The following TMEM178B variants were observed in gnomAD, a reference collection of about 807,000 sequenced individuals.
TMEM178B encodes the protein transmembrane protein 178B.
A neutral mutation model predicts 31.0 loss-of-function variants in TMEM178B; 5 were observed. That is an observed-to-expected ratio of 0.16 (90% CI 0.08 to 0.34). The LOEUF is 0.34. Ranked by LOEUF, TMEM178B falls within the 10% of genes least tolerant of loss-of-function variation. TMEM178B has a pLI of 1.00. For synonymous variants in TMEM178B, 164 were observed against 164.0 expected (o/e 1.00, Z 0.00); for missense variants, 275 against 400.3 (o/e 0.69, Z 2.67).
At chr7:141,174,989 G>T (rs1053136017) in intron 1 of TMEM178B, among the ~76,000 whole-genome samples, 1 of 152,086 alleles carries the variant, frequency 6.6e-6, no homozygotes, top group Non-Finnish European at 1.5e-5. Flanking sequence ...GTCAATTTTG[G>T]CTTTTGTTGC....
chr7:141,379,081 A>G (rs1274164633), intron 2 of TMEM178B, among the ~76,000 whole-genome samples: 1 of 152,142 alleles, frequency 6.6e-6, no homozygotes, highest in Admixed American at 6.5e-5. Flanking sequence ...GGGGCATCCT[A>G]GTCTCTCTCC....
At chr7:141,254,111 TC>T (rs988493046) in intron 2 of TMEM178B, among the ~76,000 whole-genome samples, 2 of 152,228 alleles carry the variant, frequency 1.3e-5, no homozygotes, top group African/African-American at 4.8e-5. Context: ...AAGAGAATCT[TC>T]CCGGTGGAAA....
intron 2 of TMEM178B, among the ~76,000 whole-genome samples, chr7:141,247,416 C>T (rs12216548): frequency 1.2e-3 from 182 of 152,280 alleles, no homozygotes; most frequent in Non-Finnish European, 2.0e-3. Context: ...CTGGTTACCT[C>T]CCTATCACAG....
Position 141,475,182 on chromosome 7 carries a change from T to G in TMEM178B, c.*4396T>G, listed in dbSNP as rs1802340310. Reference sequence around the variant, plus strand: ...GAAGAGCTGGTGCACACCAGCAGGGTTGCCTTCCATGCCATCTTCCAGCTG... The same window carrying G: ...GAAGAGCTGGTGCACACCAGCAGGGGTGCCTTCCATGCCATCTTCCAGCTG... On this transcript the variant is annotated 3_prime_UTR_variant, in exon 4 of 4. Coordinates refer to ENST00000565468, the MANE Select transcript of TMEM178B (RefSeq NM_001195278.2). 1 of 152,126 alleles carries G rather than the reference T, an allele frequency of 6.6e-6. No individual in the cohort carries two copies. The highest frequency in any genetic ancestry group is 2.4e-5 in the African/African-American group (1 of 41,396). The allele number at this position is 152,126 out of a possible 1,614,324, so 9.4% of individuals were successfully genotyped here.
At chr7:141,220,017 G>A (rs1325678242) in intron 2 of TMEM178B, among the ~76,000 whole-genome samples, 1 of 152,084 alleles carries the variant, frequency 6.6e-6, no homozygotes, top group Non-Finnish European at 1.5e-5. Flanking sequence ...ACGTAGAGAC[G>A]CTTTAAAATT....
intron 3 of TMEM178B, among the ~76,000 whole-genome samples, chr7:141,448,790 C>T (rs961446705): frequency 1.3e-5 from 2 of 152,112 alleles, no homozygotes; most frequent in African/African-American, 2.4e-5. Flanking sequence ...AGACTGGGAC[C>T]CCGACACCCT....
chr7:141,250,767 C>CT (rs1797818777), intron 2 of TMEM178B, among the ~76,000 whole-genome samples: 3 of 152,186 alleles, frequency 2.0e-5, no homozygotes, highest in Non-Finnish European at 4.4e-5. Context: ...TGCCTGTTAC[C>CT]TTTTAATAAT....
chr7:141,413,162 C>T (rs958019485), intron 2 of TMEM178B, among the ~76,000 whole-genome samples: 5 of 152,174 alleles, frequency 3.3e-5, no homozygotes, highest in African/African-American at 7.2e-5. Context: ...AATTGTATGC[C>T]ACCCCCATCC....
rs200358234 is a variant in TMEM178B at position 141,124,087 on chromosome 7, C to G, written c.382+49395C>G. 2.1e-4 allele frequency among the ~76,000 whole-genome samples: 32 copies of G among 151,642 alleles called. 1 individual carries two copies. In the East Asian group the frequency reaches 5.9e-3, roughly 28 times the overall value. On this transcript the variant is annotated intron_variant, in intron 1 of 3. Transcript: ENST00000565468. ...TCTGTTTTTAAAGGTTTCAAACAGGCTGGGTGCGGTGGCTCACACCTGTAA... is the reference window on the plus strand; with the variant it reads ...TCTGTTTTTAAAGGTTTCAAACAGGGTGGGTGCGGTGGCTCACACCTGTAA...
Position 141,074,647 on chromosome 7 carries a change from C to G in TMEM178B, c.337C>G (p.His113Asp). The G allele has an allele frequency of 3.3e-6, 5 of 1,524,608 alleles. No individual in the cohort carries two copies. The highest frequency in any genetic ancestry group is 4.4e-6 in the Non-Finnish European group (5 of 1,138,062). 94.4% of individuals were successfully genotyped at this position (1,524,608 alleles called of 1,614,324 possible). A position where few individuals can be genotyped will look rare whatever the true frequency, so the allele number is the denominator to read the frequency against. ...CAACATGGGCCTCTGGAGGAAGTGC[C>G]ACCGGCAGGGCTTCGACCCCGAGAT... The part of the protein sequence containing the change: ...STNMGLWRKC[H>D]RQGFDPEIAA... The change falls in exon 1 of 4, where the codon CAC becomes GAC. Residue 113 changes from histidine (H) to aspartate (D), a missense_variant. Coordinates refer to ENST00000565468, the MANE Select transcript of TMEM178B (RefSeq NM_001195278.2). This position sits in a 1 kb window ranked among gnomAD's most constrained non-coding sequence, Gnocchi z 5.1.
At chr7:141,429,972 T>G (rs1238470092) in intron 2 of TMEM178B, 18 of 152,254 alleles carry the variant, frequency 1.2e-4, no homozygotes, top group Admixed American at 1.2e-3. Flanking sequence ...CAGCAGAGTC[T>G]CAGTCCTGCC....
intron 2 of TMEM178B, among the ~76,000 whole-genome samples, chr7:141,268,495 C>T (rs1008492920): frequency 1.3e-5 from 2 of 152,294 alleles, no homozygotes; most frequent in South Asian, 2.1e-4. Context: ...GAAGAGTACC[C>T]GTGATTAACC....
chr7:141,420,046 C>G (rs1415722009), intron 2 of TMEM178B, among the ~76,000 whole-genome samples: 1 of 152,190 alleles, frequency 6.6e-6, no homozygotes, highest in African/African-American at 2.4e-5. Context: ...TACCCATTCC[C>G]TCCCTTCCTC....
chr7:141,346,221 G>A (rs1465582424), intron 2 of TMEM178B, among the ~76,000 whole-genome samples: 1 of 150,188 alleles, frequency 6.7e-6, no homozygotes, highest in African/African-American at 2.4e-5. Flanking sequence ...TCCATCTCAA[G>A]AACAAACAAA....
chr7:141,150,028 C>G (rs1795940107), intron 1 of TMEM178B, among the ~76,000 whole-genome samples: 1 of 152,110 alleles, frequency 6.6e-6, no homozygotes, highest in Admixed American at 6.5e-5. Flanking sequence ...CAACTGAGGA[C>G]AAACTACATT....
chr7:141,400,294 G>A (rs1368794879), intron 2 of TMEM178B, among the ~76,000 whole-genome samples: 1 of 152,190 alleles, frequency 6.6e-6, no homozygotes, highest in Non-Finnish European at 1.5e-5. Context: ...AGGTTCAAAA[G>A]TACAGAGAAG....
chr7:141,159,382 C>T (rs1796129608), intron 1 of TMEM178B, among the ~76,000 whole-genome samples: 1 of 152,164 alleles, frequency 6.6e-6, no homozygotes, highest in Non-Finnish European at 1.5e-5. Flanking sequence ...CTCTGGAAAA[C>T]AGTATGGTAG....
intron 2 of TMEM178B, among the ~76,000 whole-genome samples, chr7:141,377,909 C>T (rs764808066): frequency 6.6e-6 from 1 of 152,198 alleles, no homozygotes; most frequent in African/African-American, 2.4e-5. Flanking sequence ...TATATAACTA[C>T]AATACATTTG....
chr7:141,074,288 T>C lies in TMEM178B; in HGVS notation c.-23T>C, dbSNP rs1192018126. Reference sequence around the variant, plus strand: ...GCGAGGCTGCGGCGGATCATGCCCATGGTGTAGCCGCCAAGCGGAGGCATG... The same window carrying C: ...GCGAGGCTGCGGCGGATCATGCCCACGGTGTAGCCGCCAAGCGGAGGCATG... On this transcript the variant is annotated 5_prime_UTR_variant, in exon 1 of 4. An upstream start codon of the reference 5' UTR is lost. Coordinates refer to ENST00000565468, the MANE Select transcript of TMEM178B (RefSeq NM_001195278.2). This position sits in a 1 kb window ranked among gnomAD's most constrained non-coding sequence, Gnocchi z 5.1. 2.0e-6 allele frequency: 3 copies of C among 1,500,446 alleles called. No homozygotes were observed. The highest frequency in any genetic ancestry group is 2.7e-6 in the Non-Finnish European group (3 of 1,126,922). The allele number at this position is 1,500,446 out of a possible 1,614,324, so 92.9% of individuals were successfully genotyped here.
Sources: allele counts gnomAD v4.1 joint callset (sites outside exome capture counted in the v4.1 genomes callset), GRCh38; gene constraint gnomAD v4.1.1; non-coding constraint Gnocchi (gnomAD v3.1); transcripts MANE v1.5; gene names NCBI Gene and HGNC (gene_info 2026-07-23, HGNC 2026-07-21).